Variants in PTPRD observed in about 807,000 individuals in gnomAD.
The protein encoded by PTPRD is receptor-type tyrosine-protein phosphatase delta.
A neutral mutation model predicts 214.5 loss-of-function variants in PTPRD; 34 were observed. The observed-to-expected ratio is 0.16, with a 90% confidence interval of 0.12 to 0.21. The LOEUF (loss-of-function observed/expected upper bound fraction) is 0.21. Ranked by LOEUF, PTPRD falls within the 10% of genes least tolerant of loss-of-function variation. The pLI, the probability that PTPRD is intolerant of heterozygous loss-of-function variation, is 1.00. For synonymous variants in PTPRD, 1,128 were observed against 845.7 expected (o/e 1.33, Z -5.79); for missense variants, 2,545 against 2,398.7 (o/e 1.06, Z -1.27).
intron 2 of PTPRD, among the ~76,000 whole-genome samples, chr9:10,356,180 G>C (rs2097273880): frequency 6.6e-6 from 1 of 151,720 alleles, no homozygotes; most frequent in Admixed American, 6.6e-5. Context: ...CCACAGGCTA[G>C]TGTGGCTTCC....
At chr9:10,031,283 A>G (rs2097060774) in intron 4 of PTPRD, among the ~76,000 whole-genome samples, 1 of 152,066 alleles carries the variant, frequency 6.6e-6, no homozygotes, top group Non-Finnish European at 1.5e-5. Context: ...GATTGGATTG[A>G]AGGATGCAAG....
chr9:9,457,039 T>C (rs757881539), intron 8 of PTPRD, among the ~76,000 whole-genome samples: 2 of 151,938 alleles, frequency 1.3e-5, no homozygotes, highest in African/African-American at 2.4e-5. Context: ...CAACTCTCTC[T>C]GTAAGGACAA....
intron 3 of PTPRD, among the ~76,000 whole-genome samples, chr9:10,040,009 T>C (rs754984412): frequency 6.6e-6 from 1 of 152,068 alleles, no homozygotes; most frequent in Non-Finnish European, 1.5e-5. Context: ...GCAGTCAGAA[T>C]TTCAAAGGCA....
At position 9,217,638 on chromosome 9, in the gene PTPRD, G is replaced by C. The variant is rs568517799; in HGVS notation, c.-202-34275C>G. Among the ~76,000 whole-genome samples, 4 of 152,160 alleles carry C rather than the reference G, an allele frequency of 2.6e-5. No individual in the cohort carries two copies. In the East Asian group the frequency reaches 7.7e-4, roughly 29 times the overall value. The stretch of plus-strand genomic sequence containing the variant: ...TTCCCTTCCTTAAAAAGTTTCTCTG[G>C]TTTCTAAGGGCCTGCCAGAATAAAG... On this transcript the variant is annotated intron_variant, in intron 9 of 45. Transcript: ENST00000381196.
intron 5 of PTPRD, among the ~76,000 whole-genome samples, chr9:9,897,420 A>G (rs2075301192): frequency 6.6e-6 from 1 of 152,102 alleles, no homozygotes; most frequent in Admixed American, 6.6e-5. Flanking sequence ...AAAAATACAT[A>G]TTTGAGGGAA....
At chr9:9,621,716 T>G (rs999233597) in intron 7 of PTPRD, among the ~76,000 whole-genome samples, 5 of 152,192 alleles carry the variant, frequency 3.3e-5, no homozygotes, top group African/African-American at 1.2e-4. Flanking sequence ...TTAATACATT[T>G]AGTTAAAGTG....
chr9:9,028,413 T>C (rs1259932655), intron 10 of PTPRD, among the ~76,000 whole-genome samples: 2 of 152,022 alleles, frequency 1.3e-5, no homozygotes, highest in African/African-American at 4.8e-5. Flanking sequence ...ACATTTCTGA[T>C]ATTTCATTTA....
At chr9:9,440,674 T>A (rs1306629920) in intron 8 of PTPRD, among the ~76,000 whole-genome samples, 1 of 152,228 alleles carries the variant, frequency 6.6e-6, no homozygotes, top group Non-Finnish European at 1.5e-5. Flanking sequence ...CAAAATTCTG[T>A]CTTCAAGAAA....
intron 39 of PTPRD, among the ~76,000 whole-genome samples, chr9:8,344,827 C>G (rs1472777093): frequency 6.6e-6 from 1 of 151,978 alleles, no homozygotes; most frequent in East Asian, 1.9e-4. Flanking sequence ...ATGATAGTGA[C>G]AGTTAACTCT....
intron 3 of PTPRD, among the ~76,000 whole-genome samples, chr9:10,035,233 C>A (rs1368600092): frequency 6.6e-6 from 1 of 151,964 alleles, no homozygotes; most frequent in East Asian, 1.9e-4. Context: ...TGGTTGTTGG[C>A]CGCATGTAGG....
At chr9:9,151,336 C>G (rs1382503912) in intron 10 of PTPRD, among the ~76,000 whole-genome samples, 1 of 152,134 alleles carries the variant, frequency 6.6e-6, no homozygotes, top group African/African-American at 2.4e-5. Context: ...CCAGGTTTCC[C>G]AGATCCCAGG....
At chr9:8,482,810 G>A (rs1008795048) in intron 30 of PTPRD, among the ~76,000 whole-genome samples, 1 of 152,092 alleles carries the variant, frequency 6.6e-6, no homozygotes, top group Non-Finnish European at 1.5e-5. Flanking sequence ...GCACCACTGG[G>A]TGCCTTTAGT....
At chr9:10,466,328 T>C (rs986752765) in intron 2 of PTPRD, among the ~76,000 whole-genome samples, 1 of 152,058 alleles carries the variant, frequency 6.6e-6, no homozygotes, top group African/African-American at 2.4e-5. Context: ...ATAAATATCA[T>C]AAAAGAAATT....
intron 10 of PTPRD, among the ~76,000 whole-genome samples, chr9:9,126,536 A>G (rs998004869): frequency 2.0e-5 from 3 of 152,220 alleles, no homozygotes; most frequent in African/African-American, 4.8e-5. Context: ...AGTTAGAAAA[A>G]CTTCTAAATA....
intron 3 of PTPRD, among the ~76,000 whole-genome samples, chr9:10,198,688 T>C (rs2154331191): frequency 6.6e-6 from 1 of 152,200 alleles, no homozygotes; most frequent in South Asian, 2.1e-4. Context: ...ACTGAAAAGG[T>C]TTACTTAATA....
intron 3 of PTPRD, among the ~76,000 whole-genome samples, chr9:10,129,028 G>C (rs1165751738): frequency 6.6e-6 from 1 of 152,066 alleles, no homozygotes; most frequent in Admixed American, 6.6e-5. Flanking sequence ...TTTACAAAAT[G>C]ATAAAATAAT....
intron 5 of PTPRD, among the ~76,000 whole-genome samples, chr9:9,847,665 C>T (rs1230673317): frequency 6.6e-6 from 1 of 152,126 alleles, no homozygotes; most frequent in Admixed American, 6.6e-5. Flanking sequence ...TCTGTGGTAG[C>T]TTTCCAGGCA....
At chr9:10,582,235 T>A (rs1294622502) in intron 2 of PTPRD, among the ~76,000 whole-genome samples, 1 of 152,110 alleles carries the variant, frequency 6.6e-6, no homozygotes, top group South Asian at 2.1e-4. Context: ...GCATGAGCCA[T>A]TATCAGTTTT....
At chr9:9,683,616 G>C (rs2097114895) in intron 7 of PTPRD, among the ~76,000 whole-genome samples, 1 of 151,574 alleles carries the variant, frequency 6.6e-6, no homozygotes, top group Non-Finnish European at 1.5e-5. Flanking sequence ...GAAAAACACA[G>C]AATGTCAACT....
Sources: gnomAD v4.1 joint callset for allele counts (sites outside exome capture counted in the v4.1 genomes callset) on GRCh38, gnomAD v4.1.1 for gene constraint, MANE v1.5 for transcripts, NCBI Gene and HGNC (gene_info 2026-07-23, HGNC 2026-07-21) for gene names.